The following ME3 variants were observed in gnomAD, a reference collection of about 807,000 sequenced individuals.
ME3 encodes malic enzyme 3.
Under a neutral mutation model 68.9 loss-of-function variants are expected in ME3, and 48 were observed. The observed-to-expected ratio is 0.70, with a 90% CI of 0.55 to 0.89. The LOEUF (loss-of-function observed/expected upper bound fraction) is 0.89. ME3 is among the 40% of genes least tolerant of loss of function. ME3 has a pLI of 0.00. For synonymous variants in ME3, 320 were observed against 318.8 expected, an observed-to-expected ratio of 1.00 and a Z score of -0.04; for missense variants, 675 against 797.4, an observed-to-expected ratio of 0.85 and a Z score of 1.85.
At chr11:86,532,062 A>T (rs111823576) in intron 4 of ME3, among the ~76,000 whole-genome samples, 8,027 of 152,142 alleles carry the variant, frequency 0.053, 289 homozygotes, top group Non-Finnish European at 0.081. Flanking sequence ...ACCAAAGAAG[A>T]ACAGGGTTAG....
chr11:86,545,741 A>G (rs1307264438), intron 4 of ME3, among the ~76,000 whole-genome samples: 1 of 152,220 alleles, frequency 6.6e-6, no homozygotes, highest in African/African-American at 2.4e-5. Context: ...CATACTGCCC[A>G]AAGTATTTAT....
intron 4 of ME3, among the ~76,000 whole-genome samples, chr11:86,553,302 G>T (rs920417100): frequency 1.3e-5 from 2 of 152,236 alleles, no homozygotes; most frequent in African/African-American, 2.4e-5. Flanking sequence ...TAGCTTTGGT[G>T]GGGGGCCAGA....
At chr11:86,670,323 A>G (rs1240510517) in intron 2 of ME3, among the ~76,000 whole-genome samples, 1 of 152,228 alleles carries the variant, frequency 6.6e-6, no homozygotes, top group Non-Finnish European at 1.5e-5. Flanking sequence ...ATAGAGCTTG[A>G]GGATGAAACT....
At chr11:86,669,304 A>T (rs556030654) in intron 2 of ME3, among the ~76,000 whole-genome samples, 54 of 152,328 alleles carry the variant, frequency 3.5e-4, no homozygotes, top group Non-Finnish European at 6.9e-4. Flanking sequence ...TATATAAAAG[A>T]TGTTGTTTAA....
At chr11:86,593,340 G>A (rs373913604) in intron 2 of ME3, among the ~76,000 whole-genome samples, 1 of 146,756 alleles carries the variant, frequency 6.8e-6, no homozygotes, top group African/African-American at 2.5e-5. Context: ...AGGATCTCAT[G>A]ATGCTTTGAA....
intron 4 of ME3, among the ~76,000 whole-genome samples, chr11:86,509,756 C>CAA (rs5793200): frequency 2.6e-4 from 27 of 102,478 alleles, no homozygotes; most frequent in South Asian, 1.0e-3. Context: ...GGGGGATTGG[C>CAA]AAAAAAAAAA....
chr11:86,616,883 G>T (rs768725026), intron 2 of ME3, among the ~76,000 whole-genome samples: 1 of 152,026 alleles, frequency 6.6e-6, no homozygotes, highest in Non-Finnish European at 1.5e-5. Flanking sequence ...CTGGAGTTTA[G>T]TTCATAGTCA....
chr11:86,557,446 G>A (rs1594435237), intron 3 of ME3, among the ~76,000 whole-genome samples: 1 of 152,260 alleles, frequency 6.6e-6, no homozygotes, highest in East Asian at 1.9e-4. Context: ...GAATACCAAG[G>A]TACTTGATGC....
intron 7 of ME3, among the ~76,000 whole-genome samples, chr11:86,470,220 A>T (rs1242015707): frequency 1.3e-5 from 2 of 152,140 alleles, no homozygotes; most frequent in Non-Finnish European, 2.9e-5. Context: ...AGAGAAGGTG[A>T]ACTTGCTCAA....
At chr11:86,514,541 A>G (rs978287222) in intron 4 of ME3, among the ~76,000 whole-genome samples, 5 of 152,166 alleles carry the variant, frequency 3.3e-5, no homozygotes, top group Non-Finnish European at 7.3e-5. Flanking sequence ...GCTTCAAACA[A>G]CTCAAGTGAT....
chr11:86,509,422 ACACACACG>A (rs765913420), intron 4 of ME3, among the ~76,000 whole-genome samples: 17 of 134,446 alleles, frequency 1.3e-4, no homozygotes, highest in Non-Finnish European at 2.6e-4. Context: ...ACACACACAC[ACACACACG>A]CATGTGCGAA....
chr11:86,534,319 T>A (rs1205519769), intron 4 of ME3, among the ~76,000 whole-genome samples: 1 of 152,178 alleles, frequency 6.6e-6, no homozygotes, highest in Non-Finnish European at 1.5e-5. Context: ...CTTAGCTTAC[T>A]GTGACTTTTC....
At chr11:86,670,180 AG>A (rs1946830648) in intron 2 of ME3, among the ~76,000 whole-genome samples, 1 of 152,222 alleles carries the variant, frequency 6.6e-6, no homozygotes, top group Non-Finnish European at 1.5e-5. Context: ...TCGCTTTCTG[AG>A]GCGTCAGAGA....
At chr11:86,501,178 A>T (rs1388257994) in intron 5 of ME3, among the ~76,000 whole-genome samples, 1 of 150,306 alleles carries the variant, frequency 6.7e-6, no homozygotes, top group African/African-American at 2.4e-5. Flanking sequence ...AAATGCATAT[A>T]ATAATAATAA....
At chr11:86,530,157 C>T (rs1955096099) in intron 4 of ME3, among the ~76,000 whole-genome samples, 1 of 152,194 alleles carries the variant, frequency 6.6e-6, no homozygotes, top group Non-Finnish European at 1.5e-5. Flanking sequence ...AGCAAAATCT[C>T]AGGATACAAA....
At chr11:86,525,775 T>C (rs1437851393) in intron 4 of ME3, among the ~76,000 whole-genome samples, 2 of 151,452 alleles carry the variant, frequency 1.3e-5, no homozygotes, top group African/African-American at 4.9e-5. Flanking sequence ...GGTAAGAGAA[T>C]TGCTTGAACC....
chr11:86,604,859 T>G (rs1470313232), intron 2 of ME3, among the ~76,000 whole-genome samples: 1 of 152,210 alleles, frequency 6.6e-6, no homozygotes, highest in African/African-American at 2.4e-5. Flanking sequence ...TCTTATATGT[T>G]TTAATTTAAA....
At chr11:86,487,224 G>A in intron 7 of ME3, 113 bp downstream of exon 7, 1 of 827,582 alleles carries the variant, frequency 1.2e-6, no homozygotes, top group Non-Finnish European at 2.0e-6. Flanking sequence ...AGAATACCTG[G>A]AAAAGCATGC....
chr11:86,567,233 G>A (rs200923386), intron 2 of ME3, among the ~76,000 whole-genome samples: 7 of 90,784 alleles, frequency 7.7e-5, no homozygotes, highest in Admixed American at 2.3e-4. Flanking sequence ...AAGAAAGAAA[G>A]AAAAGAAAGA....
Sources: allele counts gnomAD v4.1 joint callset (sites outside exome capture counted in the v4.1 genomes callset), GRCh38; gene constraint gnomAD v4.1.1; transcripts MANE v1.5; gene names NCBI Gene and HGNC (gene_info 2026-07-23, HGNC 2026-07-21).